Variants in DNAAF9 observed in about 807,000 individuals in gnomAD.
DNAAF9 encodes shulin.
A neutral mutation model predicts 167.0 loss-of-function variants in DNAAF9; 90 were observed. The ratio of observed to expected loss-of-function variants is 0.54; its 90% CI spans 0.45 to 0.64. The LOEUF (loss-of-function observed/expected upper bound fraction) is 0.64, where lower values mean the gene tolerates loss of function less well. Among genes scored for constraint, DNAAF9 ranks in the 30% least tolerant of loss-of-function variants. The probability of loss-of-function intolerance (pLI) is 0.00; values close to 1 mark genes in which losing one functional copy is unlikely to be tolerated. For synonymous variants in DNAAF9, 491 were observed against 508.8 expected (o/e 0.96, Z 0.47); for missense variants, 1,315 against 1,442.2 (o/e 0.91, Z 1.43).
chr20:3,262,512 G>GTTT (rs1202939859), intron 31 of DNAAF9, among the ~76,000 whole-genome samples: 1 of 152,160 alleles, frequency 6.6e-6, no homozygotes. Flanking sequence ...GCCTCCCAAA[G>GTTT]TGCTGGGATT....
chr20:3,288,381 C>T (rs1027561110), intron 26 of DNAAF9, among the ~76,000 whole-genome samples: 2 of 152,172 alleles, frequency 1.3e-5, no homozygotes, highest in Non-Finnish European at 1.5e-5. Flanking sequence ...CCCCGGGAGG[C>T]AGAGGTTGCA....
chr20:3,294,721 C>A, intron 23 of DNAAF9, 92 bp from the exon 24 acceptor site: 1 of 796,586 alleles, frequency 1.3e-6, no homozygotes, highest in Non-Finnish European at 2.1e-6. Context: ...AGCCAGAGTC[C>A]AATGACAGAG....
chr20:3,328,021 CAA>C lies in DNAAF9; in HGVS notation c.1101-1739_1101-1738del, dbSNP rs367767875. Among the ~76,000 whole-genome samples, 618 of 152,260 alleles carry C rather than the reference CAA, an allele frequency of 4.1e-3. 8 individuals carry two copies. Among genetic ancestry groups the C allele is most frequent in the African/African-American group, 0.014 (590 of 41,548 alleles). ...TAAAGATGCCAAACCCAAAGACATG[CAA>C]AGATATCCCCCTCCTCAGCTGATTC... is the stretch of plus-strand genomic sequence containing the variant. On this transcript the variant is annotated intron_variant, in intron 12 of 36. Transcript: ENST00000252032.
chr20:3,255,332 G>A (rs1347431956), intron 34 of DNAAF9, 48 bp from the exon 35 acceptor site: 21 of 1,236,702 alleles, frequency 1.7e-5, no homozygotes, highest in African/African-American at 3.0e-5. Flanking sequence ...AACTCATGGA[G>A]TGCATGGGCA....
At chr20:3,309,983 G>A (rs1416453405) in intron 20 of DNAAF9, among the ~76,000 whole-genome samples, 1 of 151,910 alleles carries the variant, frequency 6.6e-6, no homozygotes, top group African/African-American at 2.4e-5. Flanking sequence ...ACCTGAAGTC[G>A]GGAGATTGAG....
intron 25 of DNAAF9, among the ~76,000 whole-genome samples, chr20:3,292,062 G>A (rs544612985): frequency 4.6e-5 from 7 of 150,996 alleles, no homozygotes; most frequent in South Asian, 2.1e-4. Flanking sequence ...ACAGTGGTGC[G>A]ATCTTGGCTT....
intron 23 of DNAAF9, chr20:3,296,385 T>G (rs1298920343): frequency 4.1e-5 from 9 of 218,386 alleles, no homozygotes; most frequent in African/African-American, 7.4e-5. Context: ...ACATTTTTCG[T>G]TTTTTTTTTT....
intron 29 of DNAAF9, among the ~76,000 whole-genome samples, chr20:3,276,356 C>T (rs1413736015): frequency 6.6e-6 from 1 of 152,182 alleles, no homozygotes; most frequent in Non-Finnish European, 1.5e-5. Context: ...CCATGAGCCC[C>T]TTGGAGGAGT....
chr20:3,373,524 C>CA (rs2083537021), intron 6 of DNAAF9, among the ~76,000 whole-genome samples: 1 of 152,196 alleles, frequency 6.6e-6, no homozygotes, highest in Non-Finnish European at 1.5e-5. Context: ...CTGCTCTTAC[C>CA]AAAAAAGCTA....
chr20:3,310,333 A>AAAAGAAAGAAG lies in DNAAF9; in HGVS notation c.1678+4699_1678+4700insCTTCTTTCTTT, dbSNP rs1555790606. ...GAAAGAAAGAAAGGAAAGAGAAAGA[A>AAAAGAAAGAAG]AAAGAAAGAAAGAAAGAAAGAAAGA... On this transcript the variant is annotated intron_variant, in intron 20 of 36. Transcript: ENST00000252032. 5.5e-3 allele frequency among the ~76,000 whole-genome samples: 580 copies of AAAAGAAAGAAG among 106,180 alleles called. 7 individuals carry two copies. The highest frequency in any genetic ancestry group is 0.02 in the Middle Eastern group (5 of 250). The allele number at this position is 106,180 out of a possible 152,430, so 69.7% of individuals were successfully genotyped here. A position where few individuals can be genotyped will look rare whatever the true frequency, so the allele number is the denominator to read the frequency against.
At chr20:3,369,973 TAA>T (rs11289716) in intron 6 of DNAAF9, among the ~76,000 whole-genome samples, 9 of 150,088 alleles carry the variant, frequency 6.0e-5, no homozygotes, top group African/African-American at 1.7e-4. Context: ...GGTCTTCTTT[TAA>T]AAAAAAAAAT....
chr20:3,373,172 T>C (rs896410460), intron 6 of DNAAF9, among the ~76,000 whole-genome samples: 6 of 152,248 alleles, frequency 3.9e-5, no homozygotes, highest in African/African-American at 1.2e-4. Context: ...GAGGATGTGA[T>C]AGTTCTCCCA....
intron 13 of DNAAF9, among the ~76,000 whole-genome samples, 158 bp downstream of exon 13, chr20:3,326,039 A>C (rs573290149): frequency 3.0e-4 from 45 of 152,364 alleles, no homozygotes; most frequent in African/African-American, 1.1e-3. Flanking sequence ...CAGGCAGCAG[A>C]AGCTCAGTGC....
At chr20:3,309,652 C>T (rs2069365821) in intron 20 of DNAAF9, among the ~76,000 whole-genome samples, 1 of 152,196 alleles carries the variant, frequency 6.6e-6, no homozygotes, top group Non-Finnish European at 1.5e-5. Flanking sequence ...ACTTCTATCT[C>T]ATATCACTTT....
At chr20:3,307,408 T>C (rs1385315095) in intron 20 of DNAAF9, among the ~76,000 whole-genome samples, 1 of 152,136 alleles carries the variant, frequency 6.6e-6, no homozygotes, top group Non-Finnish European at 1.5e-5. Flanking sequence ...AGTGACTTAC[T>C]GGGTGGCCCA....
intron 25 of DNAAF9, among the ~76,000 whole-genome samples, chr20:3,292,721 G>A (rs573672478): frequency 1.3e-5 from 2 of 150,468 alleles, no homozygotes; most frequent in Admixed American, 6.6e-5. Flanking sequence ...AGCCGAGATC[G>A]GGCCCCTGCA....
rs368282556 is a variant in DNAAF9, at chr20:3,270,548, C to T, written c.2665G>A (p.Val889Met). 3.7e-6 allele frequency: 6 copies of T among 1,612,296 alleles called. No homozygotes were observed. The highest frequency in any genetic ancestry group is 4.2e-6 in the Non-Finnish European group (5 of 1,179,506). ...TCCGTGGTGTGACTGGTGAATACCA[C>T]GTTACTCACCAGGCCTGGGAATAAA... ...DQCSQGLVSN[V>M]VFTSHTTEQR... Residue 889 changes from valine (V) to methionine (M), a missense_variant, in exon 30 of 37, where the codon GTG becomes ATG. By Grantham distance (21) the Val-to-Met change is conservative (BLOSUM62 1). This residue lies in a region of DNAAF9 where 334 missense variants were observed against 429.7 expected (regional missense o/e 0.78). Coordinates refer to ENST00000252032, the MANE Select transcript of DNAAF9 (RefSeq NM_001009984.3).
intron 31 of DNAAF9, among the ~76,000 whole-genome samples, chr20:3,262,957 T>C (rs2068419142): frequency 1.4e-5 from 2 of 147,960 alleles, no homozygotes; most frequent in South Asian, 2.1e-4. Flanking sequence ...TTTTACAGCA[T>C]AGCAGATCTT....
intron 1 of DNAAF9, among the ~76,000 whole-genome samples, chr20:3,402,995 T>A (rs1453674337): frequency 6.6e-6 from 1 of 152,204 alleles, no homozygotes; most frequent in African/African-American, 2.4e-5. Context: ...TTTTTATCAT[T>A]TCTTCATGTC....
Sources: gnomAD v4.1 joint callset for allele counts (sites outside exome capture counted in the v4.1 genomes callset) on GRCh38, gnomAD v4.1.1 for gene constraint, gnomAD v4.1.1 regional missense constraint, MANE v1.5 for transcripts, NCBI Gene and HGNC (gene_info 2026-07-23, HGNC 2026-07-21) for gene names.